EMCN: variants seen among roughly 807,000 people sequenced by gnomAD.
EMCN encodes endomucin, also known as MUC-14.
In EMCN, 37 loss-of-function variants were observed where a neutral mutation model predicts 38.4. The observed-to-expected ratio is 0.96, with a 90% CI of 0.74 to 1.27. The LOEUF (loss-of-function observed/expected upper bound fraction) is 1.27. Among genes scored for constraint, EMCN ranks in the 50% most tolerant of loss-of-function variants. The pLI is 0.00. For missense variants in EMCN, 318 were observed against 302.8 expected (o/e 1.05, Z -0.37); for synonymous variants, 95 against 100.8 (o/e 0.94, Z 0.35).
At chr4:100,445,357 A>T (rs1727639669) in intron 5 of EMCN, among the ~76,000 whole-genome samples, 1 of 152,192 alleles carries the variant, frequency 6.6e-6, no homozygotes, top group Non-Finnish European at 1.5e-5. Context: ...TCTCCCAAAA[A>T]GGTTCTACAT....
At chr4:100,415,560 A>C (rs1228070052) in intron 10 of EMCN, among the ~76,000 whole-genome samples, 1 of 152,214 alleles carries the variant, frequency 6.6e-6, no homozygotes, top group African/African-American at 2.4e-5. Context: ...CTACATAGCC[A>C]GCACCAAAAT....
chr4:100,497,424 TG>T (rs1261322141), intron 1 of EMCN, among the ~76,000 whole-genome samples: 1 of 152,040 alleles, frequency 6.6e-6, no homozygotes, highest in African/African-American at 2.4e-5. Context: ...TCGCCCAGGC[TG>T]GAGTGCAGTA....
chr4:100,437,124 T>G (rs1465416261), intron 5 of EMCN, among the ~76,000 whole-genome samples: 1 of 152,192 alleles, frequency 6.6e-6, no homozygotes, highest in Non-Finnish European at 1.5e-5. Flanking sequence ...TACACCCTAA[T>G]GGGTGTGAGG....
At chr4:100,502,531 C>G (rs924554603) in intron 1 of EMCN, among the ~76,000 whole-genome samples, 5 of 152,130 alleles carry the variant, frequency 3.3e-5, no homozygotes, top group Non-Finnish European at 7.4e-5. Context: ...CCTATAACAT[C>G]TACAAATAAT....
intron 4 of EMCN, among the ~76,000 whole-genome samples, chr4:100,464,013 TATC>T (rs1728250532): frequency 6.6e-6 from 1 of 152,050 alleles, no homozygotes; most frequent in African/African-American, 2.4e-5. Context: ...TGGAGAGAAT[TATC>T]ATTTAAAATA....
chr4:100,500,497 G>A (rs1056250321), intron 1 of EMCN, among the ~76,000 whole-genome samples: 26 of 152,052 alleles, frequency 1.7e-4, no homozygotes, highest in Admixed American at 6.6e-5. Flanking sequence ...GACTGTAAAC[G>A]TATCAGTTAT....
At chr4:100,408,856 C>G (rs764695820) in intron 11 of EMCN, among the ~76,000 whole-genome samples, 20 of 152,188 alleles carry the variant, frequency 1.3e-4, no homozygotes, top group Admixed American at 2.6e-4. Context: ...GGGCTCATGA[C>G]TGGTGAAGAG....
At chr4:100,416,389 T>C (rs1041045301) in intron 9 of EMCN, among the ~76,000 whole-genome samples, 3 of 152,150 alleles carry the variant, frequency 2.0e-5, no homozygotes, top group Non-Finnish European at 4.4e-5. Context: ...ATTCTGGAGA[T>C]ATTCCTTTTC....
intron 11 of EMCN, among the ~76,000 whole-genome samples, chr4:100,400,264 C>A (rs1486145274): frequency 4.0e-5 from 6 of 151,490 alleles, no homozygotes; most frequent in Admixed American, 3.9e-4. Context: ...TGATTTCTTT[C>A]ATATACCATT....
At position 100,451,449 on chromosome 4, in the gene EMCN, T is replaced by A. The variant is rs113323505; in HGVS notation, c.377-3878A>T. On this transcript the variant is annotated intron_variant, in intron 4 of 11. Transcript: ENST00000296420. ...CAAATGAAAAATATACACATTCAAG[T>A]ATAAATCAGGCATAGTGGGCAAGAG... is the stretch of plus-strand genomic sequence containing the variant. Among the ~76,000 whole-genome samples, 979 of 151,982 alleles carry A rather than the reference T, an allele frequency of 6.4e-3. 9 individuals are homozygous for A. Among genetic ancestry groups the A allele is most frequent in the African/African-American group, 0.023 (939 of 41,528 alleles).
chr4:100,404,039 T>A (rs529493007), intron 11 of EMCN, among the ~76,000 whole-genome samples: 1 of 152,178 alleles, frequency 6.6e-6, no homozygotes, highest in Non-Finnish European at 1.5e-5. Flanking sequence ...ACTCTGTTGA[T>A]AGTTTCTTAG....
intron 1 of EMCN, among the ~76,000 whole-genome samples, chr4:100,495,101 A>C (rs1729177402): frequency 6.6e-6 from 1 of 152,098 alleles, no homozygotes; most frequent in South Asian, 2.1e-4. Context: ...TCCTCCCTCT[A>C]CCACATGGGA....
At chr4:100,473,116 G>A (rs1466653241) in intron 3 of EMCN, among the ~76,000 whole-genome samples, 8 of 148,874 alleles carry the variant, frequency 5.4e-5, no homozygotes, top group African/African-American at 2.0e-4. Context: ...CTGGATCCAA[G>A]CGATTCTCCT....
intron 5 of EMCN, among the ~76,000 whole-genome samples, chr4:100,438,456 C>A (rs767009492): frequency 6.6e-6 from 1 of 151,798 alleles, no homozygotes; most frequent in Non-Finnish European, 1.5e-5. Context: ...TTTCCTTTTG[C>A]GACTTTACTG....
At position 100,475,659 on chromosome 4, in the gene EMCN, C is replaced by CTGT. The variant is rs1560631485; in HGVS notation, c.188-551_188-550insACA. ...TTGAGGGCAGTATCCAATTCTAGTC[C>CTGT]TTTTTTTTTTTTTTTTTTTTTTTTT... On this transcript the variant is annotated intron_variant, in intron 2 of 11. Transcript: ENST00000296420. Among the ~76,000 whole-genome samples the CTGT allele has an allele frequency of 6.6e-5, 4 of 60,314 alleles. 2 individuals carry two copies. The highest frequency in any genetic ancestry group is 5.6e-5 in the Non-Finnish European group (2 of 35,536). The allele number at this position is 60,314 out of a possible 152,430, so 39.6% of individuals were successfully genotyped here.
At chr4:100,508,458 C>A (rs1729541364) in intron 1 of EMCN, among the ~76,000 whole-genome samples, 1 of 152,062 alleles carries the variant, frequency 6.6e-6, no homozygotes, top group African/African-American at 2.4e-5. Flanking sequence ...CTGTATTTAA[C>A]AAAGAACAAG....
At chr4:100,500,440 C>A (rs1393427398) in intron 1 of EMCN, among the ~76,000 whole-genome samples, 2 of 151,930 alleles carry the variant, frequency 1.3e-5, no homozygotes, top group Non-Finnish European at 2.9e-5. Context: ...GTAATCATTA[C>A]CCAGATTAAA....
intron 11 of EMCN, among the ~76,000 whole-genome samples, chr4:100,409,056 A>G (rs907252691): frequency 2.6e-5 from 4 of 152,208 alleles, no homozygotes; most frequent in African/African-American, 9.6e-5. Flanking sequence ...AGACAAGCAC[A>G]GCAGGTACCA....
chr4:100,465,320 A>T, intron 4 of EMCN, 103 bp downstream of exon 4: 2 of 652,128 alleles, frequency 3.1e-6, no homozygotes, highest in Non-Finnish European at 5.4e-6. Flanking sequence ...GAGACAATTT[A>T]AGCAGAGCAT....
Sources: allele counts gnomAD v4.1 joint callset (sites outside exome capture counted in the v4.1 genomes callset), GRCh38; gene constraint gnomAD v4.1.1; transcripts MANE v1.5; gene names NCBI Gene and HGNC (gene_info 2026-07-23, HGNC 2026-07-21).